The following ANKHD1 variants were observed in gnomAD, a reference collection of about 807,000 sequenced individuals.
ANKHD1 encodes ankyrin repeat and KH domain-containing protein 1.
ANKHD1 carries 31 observed loss-of-function variants against 230.5 expected under a neutral mutation model. The observed-to-expected ratio is 0.13, with a 90% CI of 0.10 to 0.18. ANKHD1 has a LOEUF of 0.18. ANKHD1 is among the 10% of genes least tolerant of loss of function. The pLI is 1.00. For synonymous variants in ANKHD1, 1,074 were observed against 1,117.6 expected (o/e 0.96, Z 0.78); for missense variants, 2,256 against 3,071.3 (o/e 0.73, Z 6.27).
intron 1 of ANKHD1, among the ~76,000 whole-genome samples, chr5:140,418,011 T>G (rs1361540581): frequency 1.3e-5 from 2 of 151,738 alleles, no homozygotes; most frequent in African/African-American, 4.8e-5. Context: ...GGCTAGTTTT[T>G]TTGTATTTTT....
chr5:140,429,239 G>A (rs1413854715), intron 1 of ANKHD1, among the ~76,000 whole-genome samples: 2 of 150,826 alleles, frequency 1.3e-5, no homozygotes, highest in Admixed American at 6.6e-5. Context: ...GACTACAGGC[G>A]CCTGCCACCA....
intron 1 of ANKHD1, among the ~76,000 whole-genome samples, chr5:140,410,405 G>T (rs1280252255): frequency 6.6e-6 from 1 of 152,102 alleles, no homozygotes; most frequent in African/African-American, 2.4e-5. Flanking sequence ...TTGACTAGAT[G>T]AATTCAAAAT....
chr5:140,463,134 C>CCA (rs1357234802), intron 9 of ANKHD1, among the ~76,000 whole-genome samples: 4 of 152,130 alleles, frequency 2.6e-5, no homozygotes, highest in Non-Finnish European at 1.5e-5. Context: ...CAGGCATGAG[C>CCA]CACTGTGCCT....
intron 14 of ANKHD1, among the ~76,000 whole-genome samples, 184 bp downstream of exon 14, chr5:140,487,244 A>G (rs920942192): frequency 2.0e-5 from 3 of 152,166 alleles, no homozygotes; most frequent in Non-Finnish European, 4.4e-5. Flanking sequence ...ATGACTTTTT[A>G]TTATTTTCCT....
At chr5:140,472,231 T>G (rs748561667) in intron 10 of ANKHD1, 2 of 1,611,570 alleles carry the variant, frequency 1.2e-6, no homozygotes, top group South Asian at 1.1e-5. Context: ...TTCTTTTTCC[T>G]TTCGCAGGAC....
intron 1 of ANKHD1, among the ~76,000 whole-genome samples, chr5:140,406,003 G>A (rs2126835002): frequency 6.6e-6 from 1 of 152,070 alleles, no homozygotes; most frequent in Non-Finnish European, 1.5e-5. Context: ...ACTTTGGGAG[G>A]CCAAGGCGGG....
chr5:140,505,844 T>C lies in ANKHD1; in HGVS notation c.3383T>C (p.Leu1128Ser), dbSNP rs781304465. 1.3e-6 allele frequency: 2 copies of C among 1,598,916 alleles called. No homozygotes were observed. Among genetic ancestry groups the C allele is most frequent in the Admixed American group, 1.8e-5 (1 of 55,906 alleles). The change falls in exon 18 of 34, where the codon TTG (leucine) becomes TCG (serine). Residue 1128 changes from leucine (L) to serine (S), a missense_variant. Coordinates refer to ENST00000360839, the MANE Select transcript of ANKHD1 (RefSeq NM_017747.3). ...SERTKDTPLS[L>S]ACSGGRQEVV... ...CGAACTAAGGATACTCCGCTTTCAT[T>C]GGCATGTTCTGGTGGACGTCAGGAG...
At chr5:140,524,301 G>C in intron 25 of ANKHD1, 61 bp downstream of exon 25, 1 of 1,491,038 alleles carries the variant, frequency 6.7e-7, no homozygotes, top group South Asian at 1.4e-5. Context: ...ACTTCATTTT[G>C]AGTGCTCTTT....
chr5:140,481,320 C>T, intron 10 of ANKHD1, among the ~76,000 whole-genome samples: 1 of 152,020 alleles, frequency 6.6e-6, no homozygotes, highest in Non-Finnish European at 1.5e-5. Flanking sequence ...AATGTGAGTT[C>T]AAGATCTATT....
intron 1 of ANKHD1, among the ~76,000 whole-genome samples, chr5:140,414,646 A>T (rs1771207486): frequency 6.6e-6 from 1 of 152,110 alleles, no homozygotes; most frequent in African/African-American, 2.4e-5. Flanking sequence ...AGCCTGGGCA[A>T]TATAGGGAAC....
Position 140,535,516 on chromosome 5 carries a change from T to G in ANKHD1, c.7005T>G (p.Pro2335=). ...SFNRQHFSPH[P]WTSASNSSTS... Reference sequence around the variant, plus strand: ...ACAGACAACATTTTTCTCCCCATCCTTGGACAAGCGCCTCAAACTCATGTA... The same window carrying G: ...ACAGACAACATTTTTCTCCCCATCCGTGGACAAGCGCCTCAAACTCATGTA... Residue 2335 remains proline, a synonymous_variant, in exon 30 of 34, where the codon CCT becomes CCG. Coordinates refer to ENST00000360839, the MANE Select transcript of ANKHD1 (RefSeq NM_017747.3). 1 of 1,609,424 alleles carries G rather than the reference T, an allele frequency of 6.2e-7. No homozygotes were observed.
chr5:140,408,774 G>A (rs1181079870), intron 1 of ANKHD1, among the ~76,000 whole-genome samples: 2 of 152,078 alleles, frequency 1.3e-5, no homozygotes, highest in Admixed American at 1.3e-4. Flanking sequence ...TACACAGTGC[G>A]GTGGCATGGT....
chr5:140,455,578 G>A (rs555314125), intron 7 of ANKHD1, among the ~76,000 whole-genome samples: 8 of 151,746 alleles, frequency 5.3e-5, no homozygotes, highest in South Asian at 2.1e-4. Flanking sequence ...ATCAATAAAC[G>A]TAATCCAGCA....
intron 6 of ANKHD1, among the ~76,000 whole-genome samples, chr5:140,448,942 C>T (rs1428657615): frequency 6.6e-6 from 1 of 152,102 alleles, no homozygotes; most frequent in Non-Finnish European, 1.5e-5. Flanking sequence ...TATGTATTTT[C>T]AACCAAGGTA....
chr5:140,520,156 C>T (rs1344502379), intron 24 of ANKHD1, among the ~76,000 whole-genome samples: 1 of 152,082 alleles, frequency 6.6e-6, no homozygotes, highest in Non-Finnish European at 1.5e-5. Context: ...GACATTTATG[C>T]AGCCAAAAAA....
At chr5:140,452,740 A>C (rs1442755982) in intron 7 of ANKHD1, among the ~76,000 whole-genome samples, 1 of 152,152 alleles carries the variant, frequency 6.6e-6, no homozygotes, top group Non-Finnish European at 1.5e-5. Context: ...TCAAAGACCA[A>C]AGGTAGATAA....
intron 24 of ANKHD1, among the ~76,000 whole-genome samples, chr5:140,520,299 G>A (rs1453389256): frequency 6.6e-6 from 1 of 151,236 alleles, no homozygotes. Flanking sequence ...GAGAGGATGT[G>A]GAGAAATAGG....
chr5:140,488,220 TG>T (rs906166551), intron 14 of ANKHD1, among the ~76,000 whole-genome samples: 2 of 152,072 alleles, frequency 1.3e-5, no homozygotes, highest in African/African-American at 4.8e-5. Context: ...TTGTTTTCTT[TG>T]GGGGGGAGTT....
intron 1 of ANKHD1, among the ~76,000 whole-genome samples, chr5:140,433,237 T>G (rs1281425223): frequency 6.6e-6 from 1 of 152,100 alleles, no homozygotes; most frequent in Non-Finnish European, 1.5e-5. Flanking sequence ...CAGCTAATTT[T>G]GTATTTTTAG....
Sources: gnomAD v4.1 joint callset for allele counts (sites outside exome capture counted in the v4.1 genomes callset) on GRCh38, gnomAD v4.1.1 for gene constraint, MANE v1.5 for transcripts, NCBI Gene and HGNC (gene_info 2026-07-23, HGNC 2026-07-21) for gene names.